Variants in PDZRN3 observed in about 807,000 individuals in gnomAD.
PDZRN3 encodes the protein E3 ubiquitin-protein ligase PDZRN3.
Under a neutral mutation model 85.7 loss-of-function variants are expected in PDZRN3, and 38 were observed. That is an observed-to-expected ratio of 0.44 (90% CI 0.34 to 0.58). The LOEUF is 0.58. Ranked by LOEUF, PDZRN3 falls within the 20% of genes least tolerant of loss-of-function variation. The pLI, the probability that PDZRN3 is intolerant of heterozygous loss-of-function variation, is 0.01. For missense variants in PDZRN3, 1,629 were observed against 1,506.4 expected, an observed-to-expected ratio of 1.08 and a Z score of -1.35; for synonymous variants, 759 against 638.0, an observed-to-expected ratio of 1.19 and a Z score of -2.86.
rs748343087 is a variant in PDZRN3 at position 73,602,416 on chromosome 3, T to A, written c.856A>T (p.Ile286Leu). The A allele has an allele frequency of 6.2e-7, 1 of 1,611,676 alleles. No homozygotes were observed. Among genetic ancestry groups the A allele is most frequent in the South Asian group, 1.1e-5 (1 of 91,024 alleles). The change falls in exon 3 of 10, where the codon ATA (isoleucine) becomes TTA (leucine). Residue 286 changes from isoleucine to leucine, a missense_variant. Transcript: ENST00000263666. ...TTGGCTGCAGGCCCACTGTCAACTATCTTGGATACAAAGATTCCTTCACTG... is the reference window on the plus strand; with the variant it reads ...TTGGCTGCAGGCCCACTGTCAACTAACTTGGATACAAAGATTCCTTCACTG... ...SSSEGIFVSK[I>L]VDSGPAAKEG...
chr3:73,571,542 A>C (rs1220002592), intron 3 of PDZRN3, among the ~76,000 whole-genome samples: 1 of 152,206 alleles, frequency 6.6e-6, no homozygotes, highest in Non-Finnish European at 1.5e-5. Context: ...CAAGGGTAAA[A>C]TCCTTAAGTA....
chr3:73,501,222 C>T (rs1314514957), intron 3 of PDZRN3, among the ~76,000 whole-genome samples: 2 of 152,192 alleles, frequency 1.3e-5, no homozygotes, highest in East Asian at 3.8e-4. Context: ...CCAGTTTCCC[C>T]ACTTGTTTTC....
Position 73,549,141 on chromosome 3 carries a change from G to A in PDZRN3, c.918+53213C>T, listed in dbSNP as rs559212218. On this transcript the variant is annotated intron_variant, in intron 3 of 9. Coordinates refer to ENST00000263666, the MANE Select transcript of PDZRN3 (RefSeq NM_015009.3). ...AATTATACAGAGGCTGCACTTGAAC[G>A]TTTCCTTCCTTATAGCTAAGCGATG... 7.9e-5 allele frequency among the ~76,000 whole-genome samples: 12 copies of A among 152,264 alleles called. No individual in the cohort carries two copies. In the South Asian group the frequency reaches 2.1e-3, roughly 26 times the overall value.
chr3:73,398,968 A>G (rs1307807255), intron 5 of PDZRN3, among the ~76,000 whole-genome samples: 2 of 152,218 alleles, frequency 1.3e-5, no homozygotes, highest in African/African-American at 2.4e-5. Context: ...ATAGTCAGGT[A>G]TAAGGAAAAA....
Position 73,404,162 on chromosome 3 carries a change from A to T in PDZRN3, c.1152T>A (p.Tyr384Ter). ...SSPSPPVLDP[Y>*]LLPEEHPSAH... ...AGGTTACTTACTCCTCTGGCAAGAG[A>T]TAGGGATCCAGCACGGGTGGGCTGG... Residue 384 changes from tyrosine (Y) to a stop codon, truncating the protein, a stop_gained, in exon 4 of 10, where the codon TAT (tyrosine) becomes TAA (stop). Coordinates refer to ENST00000263666, the MANE Select transcript of PDZRN3 (RefSeq NM_015009.3). LOFTEE classifies it high-confidence loss of function. The T allele has an allele frequency of 6.2e-7, 1 of 1,613,880 alleles. No individual in the cohort carries two copies. The highest frequency in any genetic ancestry group is 1.1e-5 in the South Asian group (1 of 91,032).
At chr3:73,580,879 A>AT (rs1559747189) in intron 3 of PDZRN3, among the ~76,000 whole-genome samples, 2 of 152,176 alleles carry the variant, frequency 1.3e-5, no homozygotes, top group African/African-American at 4.8e-5. Context: ...TGTGGCTTCA[A>AT]TTGCGTCTTG....
intron 3 of PDZRN3, among the ~76,000 whole-genome samples, chr3:73,581,229 T>C (rs1488513062): frequency 2.6e-5 from 4 of 152,218 alleles, no homozygotes; most frequent in African/African-American, 7.2e-5. Context: ...ATGTTTTTTA[T>C]TTTTCCTCAT....
At chr3:73,452,438 G>T (rs1303729388) in intron 3 of PDZRN3, among the ~76,000 whole-genome samples, 1 of 152,124 alleles carries the variant, frequency 6.6e-6, no homozygotes, top group Non-Finnish European at 1.5e-5. Context: ...ACTGGTATAG[G>T]AATATACTTT....
In PDZRN3 at chr3:73,624,274, G is replaced by C. The variant is rs1432792214; in HGVS notation, c.552C>G (p.Leu184=). The change falls in exon 1 of 10, where the codon CTC becomes CTG. Residue 184 remains leucine, a synonymous_variant. Coordinates refer to ENST00000263666, the MANE Select transcript of PDZRN3 (RefSeq NM_015009.3). The part of the protein sequence containing the change: ...QARLGALHKA[L]KKEALRAGKR... ...TCCCAGCGCGCAGCGCCTCCTTCTT[G>C]AGCGCCTTGTGCAGCGCGCCCAGGC... 7.1e-7 allele frequency: 1 copy of C among 1,417,368 alleles called. No individual in the cohort carries two copies. The highest frequency in any genetic ancestry group is 9.1e-7 in the Non-Finnish European group (1 of 1,093,344). The allele number at this position is 1,417,368 out of a possible 1,614,324, so 87.8% of individuals were successfully genotyped here.
At chr3:73,425,888 G>C (rs1245398258) in intron 3 of PDZRN3, among the ~76,000 whole-genome samples, 1 of 152,136 alleles carries the variant, frequency 6.6e-6, no homozygotes, top group Non-Finnish European at 1.5e-5. Flanking sequence ...TAGCTATACA[G>C]CTCTCATCAG....
intron 3 of PDZRN3, among the ~76,000 whole-genome samples, chr3:73,408,597 G>T (rs970185427): frequency 2.0e-5 from 3 of 151,504 alleles, no homozygotes; most frequent in Non-Finnish European, 2.9e-5. Flanking sequence ...GAGGGGGGGG[G>T]GTGCAACAGA....
At chr3:73,612,412 A>C (rs901443817) in intron 1 of PDZRN3, among the ~76,000 whole-genome samples, 1 of 152,214 alleles carries the variant, frequency 6.6e-6, no homozygotes, top group Non-Finnish European at 1.5e-5. Context: ...GGATCAGACA[A>C]TTAATTCATC....
chr3:73,590,282 A>AAG (rs1339709209), intron 3 of PDZRN3, among the ~76,000 whole-genome samples: 32 of 151,174 alleles, frequency 2.1e-4, no homozygotes, highest in Non-Finnish European at 4.1e-4. Flanking sequence ...AAAAAAAAAA[A>AAG]AAAAGAAAGA....
At chr3:73,496,283 T>C (rs929042408) in intron 3 of PDZRN3, among the ~76,000 whole-genome samples, 1 of 152,198 alleles carries the variant, frequency 6.6e-6, no homozygotes, top group East Asian at 1.9e-4. Flanking sequence ...TCATTCTTTT[T>C]CTTCGGAGAG....
chr3:73,450,520 T>C (rs1702837449), intron 3 of PDZRN3, among the ~76,000 whole-genome samples: 1 of 152,234 alleles, frequency 6.6e-6, no homozygotes, highest in Non-Finnish European at 1.5e-5. Flanking sequence ...ATTCATTTTC[T>C]TTTTAGCAGG....
rs76934599 is a variant in PDZRN3 at position 73,499,612 on chromosome 3, C to T, written c.919-95217G>A. The stretch of plus-strand genomic sequence containing the variant: ...ATTCTGAAACTATTCTAGTCAATCG[C>T]TAGATAAGAAATCGATGAAATTTTA... On this transcript the variant is annotated intron_variant, in intron 3 of 9. Transcript: ENST00000263666. Among the ~76,000 whole-genome samples the T allele has an allele frequency of 4.6e-3, 693 of 152,270 alleles. 5 individuals carry two copies. The highest frequency in any genetic ancestry group is 8.1e-3 in the Non-Finnish European group (548 of 68,014).
intron 3 of PDZRN3, among the ~76,000 whole-genome samples, chr3:73,415,599 CCTT>C (rs1702065681): frequency 6.6e-6 from 1 of 152,096 alleles, no homozygotes; most frequent in African/African-American, 2.4e-5. Flanking sequence ...TCCACATAAT[CCTT>C]CTATTTTTCA....
At chr3:73,465,848 T>A (rs966846709) in intron 3 of PDZRN3, among the ~76,000 whole-genome samples, 2 of 152,252 alleles carry the variant, frequency 1.3e-5, no homozygotes, top group Non-Finnish European at 2.9e-5. Context: ...GATTCATTTA[T>A]CTCTCTTTTG....
chr3:73,486,088 T>C (rs1703655713), intron 3 of PDZRN3, among the ~76,000 whole-genome samples: 1 of 152,166 alleles, frequency 6.6e-6, no homozygotes, highest in Admixed American at 6.5e-5. Flanking sequence ...GGTAAGTGGA[T>C]AAAGCTGACA....
Sources: allele counts gnomAD v4.1 joint callset (sites outside exome capture counted in the v4.1 genomes callset), GRCh38; gene constraint gnomAD v4.1.1; transcripts MANE v1.5; gene names NCBI Gene and HGNC (gene_info 2026-07-23, HGNC 2026-07-21).